Variants in LDB2 observed in about 807,000 individuals in gnomAD.
LDB2 encodes the protein LIM domain binding 2.
A neutral mutation model predicts 44.3 loss-of-function variants in LDB2; 12 were observed. The observed-to-expected ratio is 0.27, with a 90% CI of 0.17 to 0.44. The LOEUF (loss-of-function observed/expected upper bound fraction) is 0.44. Ranked by LOEUF, LDB2 falls within the 20% of genes least tolerant of loss-of-function variation. The pLI, the probability that LDB2 is intolerant of heterozygous loss-of-function variation, is 1.00. For synonymous variants in LDB2, 164 were observed against 174.8 expected, an observed-to-expected ratio of 0.94 and a Z score of 0.49; for missense variants, 344 against 473.5, an observed-to-expected ratio of 0.73 and a Z score of 2.54.
At position 16,851,062 on chromosome 4, in the gene LDB2, C is replaced by T. The variant is rs1788137599; in HGVS notation, c.132+47292G>A. On this transcript the variant is annotated intron_variant, in intron 1 of 7. Transcript: ENST00000304523. ...AGAAGGGCTATCTAGAAAATATCCA[C>T]AATTATGAGGGTCAGTGGAAGCAGT... 2.0e-5 allele frequency among the ~76,000 whole-genome samples: 3 copies of T among 150,974 alleles called. 1 individual carries two copies. In the South Asian group the frequency reaches 6.3e-4, roughly 32 times the overall value.
chr4:16,757,125 T>C (rs2109182101), intron 2 of LDB2, among the ~76,000 whole-genome samples: 1 of 152,044 alleles, frequency 6.6e-6, no homozygotes, highest in East Asian at 1.9e-4. Context: ...CTCGAACGGG[T>C]TAAGGTACCA....
At chr4:16,837,260 T>C (rs1014576790) in intron 1 of LDB2, among the ~76,000 whole-genome samples, 7 of 152,194 alleles carry the variant, frequency 4.6e-5, no homozygotes, top group African/African-American at 1.7e-4. Context: ...ATATCTGGAA[T>C]AATAACATCT....
chr4:16,773,928 G>A (rs566929990), intron 1 of LDB2, among the ~76,000 whole-genome samples: 2 of 150,860 alleles, frequency 1.3e-5, no homozygotes, highest in Non-Finnish European at 2.9e-5. Flanking sequence ...GCCAAGAAAG[G>A]TGGATCACGA....
At chr4:16,707,641 C>A (rs995696715) in intron 2 of LDB2, among the ~76,000 whole-genome samples, 1 of 151,880 alleles carries the variant, frequency 6.6e-6, no homozygotes, top group Non-Finnish European at 1.5e-5. Context: ...TAAGTCAATT[C>A]TGTGGGTTAC....
chr4:16,562,217 A>G (rs1490258826), intron 5 of LDB2, among the ~76,000 whole-genome samples: 1 of 152,196 alleles, frequency 6.6e-6, no homozygotes, highest in African/African-American at 2.4e-5. Flanking sequence ...AAATTGACAA[A>G]TGGGATCTAA....
At chr4:16,560,619 G>A (rs1741759330) in intron 5 of LDB2, among the ~76,000 whole-genome samples, 1 of 152,176 alleles carries the variant, frequency 6.6e-6, no homozygotes. Flanking sequence ...TGGATTCACA[G>A]CCGAATTCTA....
intron 1 of LDB2, among the ~76,000 whole-genome samples, chr4:16,845,983 C>T (rs1447527014): frequency 6.6e-6 from 1 of 151,946 alleles, no homozygotes; most frequent in East Asian, 1.9e-4. Context: ...GCAGCATGCG[C>T]CTGTAGTCCC....
chr4:16,827,269 G>C (rs143410429), intron 1 of LDB2, among the ~76,000 whole-genome samples: 2 of 152,300 alleles, frequency 1.3e-5, no homozygotes, highest in Non-Finnish European at 2.9e-5. Context: ...CAGGAGGACA[G>C]TGTCAGAATA....
At chr4:16,823,438 G>C (rs1782474637) in intron 1 of LDB2, among the ~76,000 whole-genome samples, 1 of 152,156 alleles carries the variant, frequency 6.6e-6, no homozygotes, top group Admixed American at 6.5e-5. Context: ...CCCTGGCCAG[G>C]TCTTAAATTC....
intron 2 of LDB2, among the ~76,000 whole-genome samples, chr4:16,684,098 G>T (rs1748628109): frequency 6.6e-6 from 1 of 152,196 alleles, no homozygotes; most frequent in African/African-American, 2.4e-5. Context: ...TGGAAAATGG[G>T]AACTGATCTA....
chr4:16,867,405 C>T (rs1233557803), intron 1 of LDB2, among the ~76,000 whole-genome samples: 1 of 152,044 alleles, frequency 6.6e-6, no homozygotes, highest in Admixed American at 6.6e-5. Context: ...GCTCAGGGCA[C>T]TAGAAATACA....
intron 5 of LDB2, among the ~76,000 whole-genome samples, chr4:16,560,566 C>T (rs1476007514): frequency 6.6e-6 from 1 of 152,128 alleles, no homozygotes; most frequent in Non-Finnish European, 1.5e-5. Flanking sequence ...GAAATTGTGG[C>T]AATAATCAAT....
chr4:16,820,457 T>C (rs1781735066), intron 1 of LDB2, among the ~76,000 whole-genome samples: 1 of 151,866 alleles, frequency 6.6e-6, no homozygotes, highest in Admixed American at 6.6e-5. Context: ...GTGATAAGTG[T>C]TATAGAGGGG....
chr4:16,574,056 C>T (rs545084468), intron 5 of LDB2, among the ~76,000 whole-genome samples: 1 of 152,302 alleles, frequency 6.6e-6, no homozygotes, highest in East Asian at 1.9e-4. Flanking sequence ...AAGCGAATTG[C>T]CCAATTCTTT....
intron 1 of LDB2, among the ~76,000 whole-genome samples, chr4:16,888,120 C>T (rs961543337): frequency 2.6e-5 from 4 of 152,198 alleles, no homozygotes; most frequent in Non-Finnish European, 5.9e-5. Context: ...AGTGCTGACC[C>T]AGCTCCCTTG....
chr4:16,697,867 T>G (rs1752548166), intron 2 of LDB2, among the ~76,000 whole-genome samples: 1 of 152,198 alleles, frequency 6.6e-6, no homozygotes, highest in Non-Finnish European at 1.5e-5. Context: ...TACGTAGTAG[T>G]AAGTTAAAGC....
At chr4:16,795,653 C>G (rs1434966150) in intron 1 of LDB2, among the ~76,000 whole-genome samples, 1 of 152,092 alleles carries the variant, frequency 6.6e-6, no homozygotes, top group East Asian at 1.9e-4. Context: ...GAATGGAGGC[C>G]TTTATCTCCA....
intron 1 of LDB2, among the ~76,000 whole-genome samples, chr4:16,799,005 C>T (rs979857719): frequency 1.2e-4 from 19 of 152,144 alleles, no homozygotes; most frequent in Admixed American, 1.1e-3. Context: ...CGCCCGCCAC[C>T]ACACCCGGCT....
intron 5 of LDB2, among the ~76,000 whole-genome samples, chr4:16,580,241 AGGCAGGATCACAGAG>A (rs1356725048): frequency 1.3e-5 from 2 of 152,188 alleles, no homozygotes; most frequent in Admixed American, 6.5e-5. Context: ...GAGGCAGCAG[AGGCAGGATCACAGAG>A]GGCTTTGTGT....
Sources: allele counts gnomAD v4.1 joint callset (sites outside exome capture counted in the v4.1 genomes callset), GRCh38; gene constraint gnomAD v4.1.1; transcripts MANE v1.5; gene names NCBI Gene and HGNC (gene_info 2026-07-23, HGNC 2026-07-21).